SENP3: variants seen among roughly 807,000 people sequenced by gnomAD.
SENP3 encodes SUMO specific peptidase 3.
Under a neutral mutation model 66.2 loss-of-function variants are expected in SENP3, and 11 were observed. The ratio of observed to expected loss-of-function variants is 0.17; its 90% CI spans 0.10 to 0.28. The LOEUF (loss-of-function observed/expected upper bound fraction) is 0.28. Among genes scored for constraint, SENP3 ranks in the 10% least tolerant of loss-of-function variants. The pLI, the probability that SENP3 is intolerant of heterozygous loss-of-function variation, is 1.00. For missense variants in SENP3, 548 were observed against 743.7 expected (o/e 0.74, Z 3.06); for synonymous variants, 292 against 277.6 (o/e 1.05, Z -0.52).
At chr17:7,566,783 A>C (rs2071272720) in intron 6 of SENP3, 144 bp from the exon 7 acceptor site, 8 of 652,294 alleles carry the variant, frequency 1.2e-5, no homozygotes, top group Non-Finnish European at 1.9e-5. Flanking sequence ...CAACCTGGGC[A>C]ACATAGTGAG....
intron 10 of SENP3, 51 bp from the exon 11 acceptor site, chr17:7,571,322 C>T (rs1200359979): frequency 3.0e-6 from 4 of 1,322,488 alleles, no homozygotes; most frequent in Non-Finnish European, 4.4e-6. Flanking sequence ...AAATGTGTAG[C>T]ACAGGTCCTG....
At chr17:7,564,489 G>A in intron 2 of SENP3, 136 bp from the exon 3 acceptor site, 4 of 1,267,360 alleles carry the variant, frequency 3.2e-6, no homozygotes, top group Non-Finnish European at 4.5e-6. Context: ...TCTTGGAGTG[G>A]GATTGACATT....
chr17:7,562,877 T>G lies in SENP3; in HGVS notation c.-11-189T>G, dbSNP rs1382982319. ...CCCTTGTCTCTGGACTGGGGAGAGATGATGGCACAGACCCTGAAGGGCCCC... is the reference window on the plus strand; with the variant it reads ...CCCTTGTCTCTGGACTGGGGAGAGAGGATGGCACAGACCCTGAAGGGCCCC... On this transcript the variant is annotated intron_variant, in intron 1 of 10. Coordinates refer to ENST00000321337, the MANE Select transcript of SENP3 (RefSeq NM_015670.6). This position sits in a 1 kb window ranked among gnomAD's most constrained non-coding sequence, Gnocchi z 5.0. Among the ~76,000 whole-genome samples, 1 of 152,196 alleles carries G rather than the reference T, an allele frequency of 6.6e-6. No homozygotes were observed. Among genetic ancestry groups the G allele is most frequent in the East Asian group, 1.9e-4 (1 of 5,190 alleles).
In SENP3 at chr17:7,570,473, C is replaced by G; in HGVS notation, c.1459C>G (p.Leu487Val). Residue 487 changes from leucine (L) to valine (V), a missense_variant, in exon 8 of 11, where the codon CTA (leucine) becomes GTA (valine). Physicochemically the swap from Leu to Val is conservative, Grantham distance 32. Coordinates refer to ENST00000321337, the MANE Select transcript of SENP3 (RefSeq NM_015670.6). The surrounding 1 kb of genome is among the most constrained non-coding windows in gnomAD (Gnocchi z 5.4). ...CACCTATTTTGACTCGCAGCGTACC[C>G]TAAACCGCCGCTGCCCTAAGGTTTG... ...TITYFDSQRT[L>V]NRRCPKHIAK... 1.2e-6 allele frequency: 2 copies of G among 1,612,366 alleles called. No homozygotes were observed. The highest frequency in any genetic ancestry group is 8.5e-7 in the Non-Finnish European group (1 of 1,179,424).
Position 7,571,696 on chromosome 17 carries a change from C to T in SENP3, c.*213C>T. ...GGGGTGGCTACAGAAAAGCCCCTTT[C>T]TTCCTCTGTTTGCAGGGGAGTGTGG... On this transcript the variant is annotated 3_prime_UTR_variant, in exon 11 of 11. Transcript: ENST00000321337. The T allele has an allele frequency of 2.2e-6, 1 of 463,464 alleles. No individual in the cohort carries two copies. 28.7% of individuals were successfully genotyped at this position (463,464 alleles called of 1,614,324 possible). A position where few individuals can be genotyped will look rare whatever the true frequency, so the allele number is the denominator to read the frequency against.
chr17:7,561,929 A>C lies in SENP3; in HGVS notation c.-346A>C. On this transcript the variant is annotated 5_prime_UTR_variant, in exon 1 of 11. Transcript: ENST00000321337. This position sits in a 1 kb window ranked among gnomAD's most constrained non-coding sequence, Gnocchi z 4.4. ...CGCTCTTCGCCGGGTGTGACGTACT[A>C]ATCGTGCGCCACCGCTGCCGGTGGG... The C allele has an allele frequency of 2.6e-6, 1 of 378,572 alleles. No homozygotes were observed. The highest frequency in any genetic ancestry group is 4.7e-6 in the Non-Finnish European group (1 of 212,836). The allele number at this position is 378,572 out of a possible 1,614,324, so 23.5% of individuals were successfully genotyped here.
rs919759315 is a variant in SENP3, at chr17:7,563,644, C to T, written c.568C>T (p.Arg190Trp). Reference protein sequence around the residue: ...PSPCCRFDSPRGPPPPRLGLL... With the variant: ...PSPCCRFDSPWGPPPPRLGLL... ...CCCCTGTTGTCGTTTTGACTCCCCC[C>T]GGGGGCCACCTCCACCCCGGCTGGG... The change falls in exon 2 of 11, where the codon CGG becomes TGG. Residue 190 changes from arginine to tryptophan, a missense_variant. Physicochemically the swap from Arg to Trp is moderately radical, Grantham distance 101. Transcript: ENST00000321337. 6 of 1,607,734 alleles carry T rather than the reference C, an allele frequency of 3.7e-6. No individual in the cohort carries two copies. The highest frequency in any genetic ancestry group is 5.1e-6 in the Non-Finnish European group (6 of 1,177,436).
intron 6 of SENP3, chr17:7,566,024 A>C: frequency 2.6e-6 from 1 of 380,404 alleles, no homozygotes; most frequent in Non-Finnish European, 4.7e-6. Flanking sequence ...ACTATTGTAA[A>C]ACAAGATTTA....
rs367680093 is a variant in SENP3 at position 7,570,463 on chromosome 17, G to A, written c.1449G>A (p.Ser483=). 2 of 1,613,024 alleles carry A rather than the reference G, an allele frequency of 1.2e-6. No homozygotes were observed. Among genetic ancestry groups the A allele is most frequent in the Non-Finnish European group, 1.7e-6 (2 of 1,179,760 alleles). The part of the protein sequence containing the change: ...VRRRTITYFD[S]QRTLNRRCPK... ...GACGCACCATCACCTATTTTGACTCGCAGCGTACCCTAAACCGCCGCTGCC... is the reference window on the plus strand; with the variant it reads ...GACGCACCATCACCTATTTTGACTCACAGCGTACCCTAAACCGCCGCTGCC... Residue 483 remains serine, a synonymous_variant, in exon 8 of 11, where the codon TCG becomes TCA. Coordinates refer to ENST00000321337, the MANE Select transcript of SENP3 (RefSeq NM_015670.6). This position sits in a 1 kb window ranked among gnomAD's most constrained non-coding sequence, Gnocchi z 5.4.
Position 7,563,184 on chromosome 17 carries a change from A to G in SENP3, c.108A>G (p.Pro36=). The G allele has an allele frequency of 6.4e-7, 1 of 1,561,884 alleles. No homozygotes were observed. Among genetic ancestry groups the G allele is most frequent in the Non-Finnish European group, 8.7e-7 (1 of 1,153,712 alleles). The change falls in exon 2 of 11, where the codon CCA becomes CCG. Residue 36 remains proline (P), a synonymous_variant. Coordinates refer to ENST00000321337, the MANE Select transcript of SENP3 (RefSeq NM_015670.6). ...SPRRERLRWP[P]PPKPRLKSGG... ...GGCGGGAGCGTCTTCGTTGGCCCCC[A>G]CCTCCCAAACCCCGACTCAAGTCAG... is the stretch of plus-strand genomic sequence containing the variant.
At chr17:7,564,908 C>T (rs746767872) in intron 3 of SENP3, 44 bp downstream of exon 3, 3 of 1,605,040 alleles carry the variant, frequency 1.9e-6, no homozygotes, top group Non-Finnish European at 2.6e-6. Flanking sequence ...TTCTCCGACT[C>T]CTAGAGGAGA....
chr17:7,564,697 C>A lies in SENP3; in HGVS notation c.788C>A (p.Pro263His). The A allele has an allele frequency of 6.2e-7, 1 of 1,614,014 alleles. No homozygotes were observed. Among genetic ancestry groups the A allele is most frequent in the Non-Finnish European group, 8.5e-7 (1 of 1,179,892 alleles). Residue 263 changes from proline (P) to histidine (H), a missense_variant, in exon 3 of 11, where the codon CCC becomes CAC. Coordinates refer to ENST00000321337, the MANE Select transcript of SENP3 (RefSeq NM_015670.6). ...SGPEGERSLAPPDASILISNV... is the reference protein window; with the variant it reads ...SGPEGERSLAHPDASILISNV... ...CCAGAAGGGGAGCGCAGCTTGGCAC[C>A]CCCTGATGCCAGCATCCTCATCAGC...
Position 7,570,482 on chromosome 17 carries a change from C to T in SENP3, c.1468C>T (p.Arg490Cys), listed in dbSNP as rs1267852896. Reference protein sequence around the residue: ...YFDSQRTLNRRCPKHIAKYLQ... With the variant: ...YFDSQRTLNRCCPKHIAKYLQ... The stretch of plus-strand genomic sequence containing the variant: ...TGACTCGCAGCGTACCCTAAACCGC[C>T]GCTGCCCTAAGGTTTGAGGGGGTAG... The change falls in exon 8 of 11, where the codon CGC (arginine) becomes TGC (cysteine). Residue 490 changes from arginine to cysteine, a missense_variant. This residue lies in a region of SENP3 where 81 missense variants were observed against 139.8 expected (regional missense o/e 0.58). Transcript: ENST00000321337. This position sits in a 1 kb window ranked among gnomAD's most constrained non-coding sequence, Gnocchi z 5.4. 10 of 1,612,682 alleles carry T rather than the reference C, an allele frequency of 6.2e-6. No homozygotes were observed. Among genetic ancestry groups the T allele is most frequent in the East Asian group, 2.2e-5 (1 of 44,884 alleles).
At chr17:7,564,918 A>G in intron 3 of SENP3, 41 bp from the exon 4 acceptor site, 1 of 1,606,972 alleles carries the variant, frequency 6.2e-7, no homozygotes, top group Admixed American at 1.7e-5. Context: ...CCTAGAGGAG[A>G]GTCTGGAGGC....
At position 7,563,119 on chromosome 17, in the gene SENP3, C is replaced by T. The variant is rs760941593; in HGVS notation, c.43C>T (p.Pro15Ser). 5 of 1,519,926 alleles carry T rather than the reference C, an allele frequency of 3.3e-6. No individual in the cohort carries two copies. In the South Asian group the frequency reaches 4.0e-5, roughly 12 times the overall value. 94.2% of individuals were successfully genotyped at this position (1,519,926 alleles called of 1,614,324 possible). A position where few individuals can be genotyped will look rare whatever the true frequency, so the allele number is the denominator to read the frequency against. The change falls in exon 2 of 11, where the codon CCT (proline) becomes TCT (serine). Residue 15 changes from proline to serine, a missense_variant. Pro to Ser is a moderately conservative substitution (Grantham distance 74). This residue lies in a region of SENP3 where 164 missense variants were observed against 167.9 expected (regional missense o/e 0.98). Transcript: ENST00000321337. ...AGGGACCGGGTCCTGGGGGCCTGAG[C>T]CTCCTGGACCCGGCATACCCCCAGC... ...IQGTGSWGPE[P>S]PGPGIPPAYS...
In SENP3 at chr17:7,570,275, T is replaced by C; in HGVS notation, c.1342-81T>C. 1 of 1,526,734 alleles carries C rather than the reference T, an allele frequency of 6.5e-7. No homozygotes were observed. The highest frequency in any genetic ancestry group is 2.3e-5 in the East Asian group (1 of 43,942). The allele number at this position is 1,526,734 out of a possible 1,614,324, so 94.6% of individuals were successfully genotyped here. A position where few individuals can be genotyped will look rare whatever the true frequency, so the allele number is the denominator to read the frequency against. Reference sequence around the variant, plus strand: ...CTTTCACTTGGTTCCCTTACCTGTGTCTCTGTTCCTCTCTAGAACCTTCAT... The same window carrying C: ...CTTTCACTTGGTTCCCTTACCTGTGCCTCTGTTCCTCTCTAGAACCTTCAT... On this transcript the variant is annotated intron_variant, in intron 7 of 10. Transcript: ENST00000321337. The surrounding 1 kb of genome is among the most constrained non-coding windows in gnomAD (Gnocchi z 5.4).
In SENP3 at chr17:7,571,699, C is replaced by G; in HGVS notation, c.*216C>G. ...GTGGCTACAGAAAAGCCCCTTTCTT[C>G]CTCTGTTTGCAGGGGAGTGTGGCCC... On this transcript the variant is annotated 3_prime_UTR_variant, in exon 11 of 11. Transcript: ENST00000321337. The G allele has an allele frequency of 2.2e-6, 1 of 451,568 alleles. No individual in the cohort carries two copies. The highest frequency in any genetic ancestry group is 2.2e-5 in the South Asian group (1 of 45,380). 28.0% of individuals were successfully genotyped at this position (451,568 alleles called of 1,614,324 possible).
rs965193925 is a variant in SENP3, at chr17:7,562,586, T to C, written c.-12+323T>C. 6.6e-6 allele frequency among the ~76,000 whole-genome samples: 1 copy of C among 152,190 alleles called. No homozygotes were observed. The highest frequency in any genetic ancestry group is 1.5e-5 in the Non-Finnish European group (1 of 68,026). On this transcript the variant is annotated intron_variant, in intron 1 of 10. Coordinates refer to ENST00000321337, the MANE Select transcript of SENP3 (RefSeq NM_015670.6). The surrounding 1 kb of genome is among the most constrained non-coding windows in gnomAD (Gnocchi z 5.0). The stretch of plus-strand genomic sequence containing the variant: ...GAACCATATCCCTGGCATCTGCACT[T>C]GAGATGACCGCAGCCTTCCCATGCC...
At chr17:7,568,560 C>T (rs1350141836) in intron 7 of SENP3, among the ~76,000 whole-genome samples, 1 of 152,000 alleles carries the variant, frequency 6.6e-6, no homozygotes, top group Non-Finnish European at 1.5e-5. Flanking sequence ...CTGCACTCCA[C>T]CCTGGGTGAC....
Sources: allele counts gnomAD v4.1 joint callset (sites outside exome capture counted in the v4.1 genomes callset), GRCh38; gene constraint gnomAD v4.1.1; regional missense constraint gnomAD v4.1.1; non-coding constraint Gnocchi (gnomAD v3.1); transcripts MANE v1.5; gene names NCBI Gene and HGNC (gene_info 2026-07-23, HGNC 2026-07-21).